RIMS1: variants seen among roughly 807,000 people sequenced by gnomAD.
RIMS1 encodes regulating synaptic membrane exocytosis protein 1.
Under a neutral mutation model 214.1 loss-of-function variants are expected in RIMS1, and 83 were observed. The observed-to-expected ratio is 0.39, with a 90% CI of 0.32 to 0.47. RIMS1 has a LOEUF of 0.47. RIMS1 is among the 20% of genes least tolerant of loss of function. The pLI, the probability that RIMS1 is intolerant of heterozygous loss-of-function variation, is 0.99. For synonymous variants in RIMS1, 793 were observed against 786.8 expected (o/e 1.01, Z -0.13); for missense variants, 2,050 against 2,161.8 (o/e 0.95, Z 1.03).
At chr6:72,231,999 A>G (rs1188404274) in intron 6 of RIMS1, among the ~76,000 whole-genome samples, 1 of 151,684 alleles carries the variant, frequency 6.6e-6, no homozygotes, top group Non-Finnish European at 1.5e-5. Context: ...AAGTCAGGTT[A>G]TTGAGGGATA....
intron 6 of RIMS1, among the ~76,000 whole-genome samples, chr6:72,187,818 T>C (rs530118145): frequency 4.1e-4 from 62 of 152,116 alleles, no homozygotes; most frequent in Middle Eastern, 3.4e-3. Context: ...GAGATTGATA[T>C]GTGTATTAGG....
intron 16 of RIMS1, 100 bp from the exon 17 acceptor site, chr6:72,258,025 A>G: frequency 2.8e-6 from 3 of 1,082,592 alleles, no homozygotes; most frequent in Non-Finnish European, 4.0e-6. Flanking sequence ...TTTATTCTTC[A>G]TAGATCAATG....
chr6:72,152,169 A>G (rs1176447775), intron 4 of RIMS1, among the ~76,000 whole-genome samples: 1 of 152,192 alleles, frequency 6.6e-6, no homozygotes, highest in Admixed American at 6.5e-5. Context: ...ACTATATCAC[A>G]TGGGTTGGAT....
At chr6:72,091,888 T>C (rs1836327416) in intron 2 of RIMS1, among the ~76,000 whole-genome samples, 1 of 152,220 alleles carries the variant, frequency 6.6e-6, no homozygotes. Flanking sequence ...AATCGAAGTG[T>C]ACAAATAAAT....
At chr6:72,364,946 G>A (rs1194111037) in intron 29 of RIMS1, among the ~76,000 whole-genome samples, 1 of 152,228 alleles carries the variant, frequency 6.6e-6, no homozygotes, top group Non-Finnish European at 1.5e-5. Flanking sequence ...GGAACCCTCA[G>A]CAGAGGGTTG....
At chr6:71,991,778 A>T (rs1396808969) in intron 2 of RIMS1, among the ~76,000 whole-genome samples, 1 of 152,216 alleles carries the variant, frequency 6.6e-6, no homozygotes, top group East Asian at 1.9e-4. Flanking sequence ...AATTATATAA[A>T]ATAGGCCGGG....
chr6:72,094,525 C>G (rs1435618585), intron 2 of RIMS1, among the ~76,000 whole-genome samples: 1 of 152,110 alleles, frequency 6.6e-6, no homozygotes, highest in Non-Finnish European at 1.5e-5. Flanking sequence ...AAAGCACGTA[C>G]TAATGAGGAA....
rs955277752 is a variant in RIMS1, at chr6:72,260,142, G to A, written c.3054-563G>A. ...AATTTAGGTGAGGAGGGAAAACACAGGGCTACTTGACCAGGGCAGTCAATA... is the reference window on the plus strand; with the variant it reads ...AATTTAGGTGAGGAGGGAAAACACAAGGCTACTTGACCAGGGCAGTCAATA... On this transcript the variant is annotated intron_variant, in intron 18 of 33. Coordinates refer to ENST00000521978, the MANE Select transcript of RIMS1 (RefSeq NM_014989.7). Among the ~76,000 whole-genome samples, 26 of 152,148 alleles carry A rather than the reference G, an allele frequency of 1.7e-4. No individual in the cohort carries two copies. In the East Asian group the frequency reaches 4.2e-3, roughly 25 times the overall value.
chr6:72,282,678 T>G (rs2090724080), intron 23 of RIMS1, among the ~76,000 whole-genome samples: 1 of 152,138 alleles, frequency 6.6e-6, no homozygotes, highest in African/African-American at 2.4e-5. Context: ...CTGAGCCTGT[T>G]TCTTCACCTA....
At chr6:71,891,510 A>G (rs1177584429) in intron 1 of RIMS1, among the ~76,000 whole-genome samples, 1 of 152,180 alleles carries the variant, frequency 6.6e-6, no homozygotes, top group African/African-American at 2.4e-5. Flanking sequence ...CTTTACACAA[A>G]TATAATACTG....
At chr6:72,066,568 T>C (rs1330266446) in intron 2 of RIMS1, among the ~76,000 whole-genome samples, 1 of 152,164 alleles carries the variant, frequency 6.6e-6, no homozygotes, top group African/African-American at 2.4e-5. Flanking sequence ...TTCCCTGTGC[T>C]CAAAAGCAAA....
intron 1 of RIMS1, among the ~76,000 whole-genome samples, chr6:71,938,510 C>G (rs1201191239): frequency 6.6e-6 from 1 of 152,216 alleles, no homozygotes; most frequent in Non-Finnish European, 1.5e-5. Context: ...AAAATTAGCA[C>G]CACATGGATT....
At chr6:71,920,313 G>T (rs998280859) in intron 1 of RIMS1, among the ~76,000 whole-genome samples, 1 of 152,172 alleles carries the variant, frequency 6.6e-6, no homozygotes, top group African/African-American at 2.4e-5. Context: ...AAAGTCTGTA[G>T]TTTAGTTAAT....
intron 2 of RIMS1, among the ~76,000 whole-genome samples, chr6:72,008,832 T>C (rs1419669180): frequency 6.6e-6 from 1 of 152,046 alleles, no homozygotes; most frequent in South Asian, 2.1e-4. Flanking sequence ...AGCAAGTCCT[T>C]AGAGACCTAC....
chr6:72,399,752 A>C (rs2789601), intron 33 of RIMS1, among the ~76,000 whole-genome samples: 69,605 of 151,904 alleles, frequency 0.46, 16,338 homozygotes, highest in Middle Eastern at 0.52. Context: ...TTCACCACCA[A>C]CTCTGCTTGT....
chr6:71,968,752 A>G (rs1270016472), intron 1 of RIMS1, among the ~76,000 whole-genome samples: 3 of 152,202 alleles, frequency 2.0e-5, no homozygotes, highest in Non-Finnish European at 2.9e-5. Context: ...TGCTAAAAGG[A>G]AAGTCAAATA....
intron 2 of RIMS1, among the ~76,000 whole-genome samples, chr6:72,081,359 T>C (rs374895420): frequency 1.3e-5 from 2 of 152,188 alleles, no homozygotes; most frequent in African/African-American, 4.8e-5. Context: ...GATTGGATCA[T>C]GACAGTGACA....
chr6:71,989,912 A>C (rs911662758), intron 2 of RIMS1, among the ~76,000 whole-genome samples: 2 of 152,130 alleles, frequency 1.3e-5, no homozygotes, highest in Non-Finnish European at 2.9e-5. Flanking sequence ...AAAGTGTTCC[A>C]GGGACATATG....
At chr6:72,264,909 A>G (rs1267612515) in intron 19 of RIMS1, 66 bp from the exon 20 acceptor site, 11 of 997,622 alleles carry the variant, frequency 1.1e-5, no homozygotes, top group Middle Eastern at 2.0e-4. Context: ...CTTTCTGAAT[A>G]TCTTAATAAA....
Sources: gnomAD v4.1 joint callset for allele counts (sites outside exome capture counted in the v4.1 genomes callset) on GRCh38, gnomAD v4.1.1 for gene constraint, MANE v1.5 for transcripts, NCBI Gene and HGNC (gene_info 2026-07-23, HGNC 2026-07-21) for gene names.